TECPR2: variants seen among roughly 807,000 people sequenced by gnomAD.
The protein encoded by TECPR2 is tectonin beta-propeller repeat containing 2.
In TECPR2, 65 loss-of-function variants were observed where a neutral mutation model predicts 138.1. The ratio of observed to expected loss-of-function variants is 0.47; its 90% CI spans 0.39 to 0.58. The LOEUF is 0.58. Ranked by LOEUF, TECPR2 falls within the 20% of genes least tolerant of loss-of-function variation. The probability of loss-of-function intolerance (pLI) is 0.00; values close to 1 mark genes in which losing one functional copy is unlikely to be tolerated. For missense variants in TECPR2, 1,553 were observed against 1,824.5 expected (o/e 0.85, Z 2.71); for synonymous variants, 746 against 749.8 (o/e 0.99, Z 0.08).
At chr14:102,365,526 G>A (rs1012898972) in intron 1 of TECPR2, among the ~76,000 whole-genome samples, 1 of 152,168 alleles carries the variant, frequency 6.6e-6, no homozygotes, top group African/African-American at 2.4e-5. Context: ...CACAATGGAA[G>A]GCTGTTCAGC....
chr14:102,496,880 T>C, intron 17 of TECPR2, 99 bp from the exon 18 acceptor site: 1 of 1,536,468 alleles, frequency 6.5e-7, no homozygotes, highest in Non-Finnish European at 8.8e-7. Flanking sequence ...CACTGGCTGC[T>C]GCATGCTGCC....
chr14:102,368,990 C>T lies in TECPR2; in HGVS notation c.-73+5874C>T, dbSNP rs1006771570. 5.9e-5 allele frequency among the ~76,000 whole-genome samples: 9 copies of T among 152,110 alleles called. No homozygotes were observed. The East Asian group carries it at 1.2e-3, about 20-fold the overall frequency. On this transcript the variant is annotated intron_variant, in intron 1 of 19. Coordinates refer to ENST00000359520, the MANE Select transcript of TECPR2 (RefSeq NM_014844.5). ...AAAATGTGATTATGCTGTTACCTGC[C>T]GGACAATTGTGACAGTTTCTAATAC...
In TECPR2 at chr14:102,465,153, T is replaced by C. The variant is rs750207043; in HGVS notation, c.3653T>C (p.Leu1218Ser). Residue 1218 changes from leucine to serine, a missense_variant, in exon 17 of 20, where the codon TTG becomes TCG. Leu to Ser is a moderately radical substitution (Grantham distance 145). Transcript: ENST00000359520. The part of the protein sequence containing the change: ...LDLSQLGAVK[L>S]TSLACGNQHI... ...TCTTTATCTACAGGAGCTGTAAAAT[T>C]GACAAGCTTGGCATGTGGAAATCAG... is the stretch of plus-strand genomic sequence containing the variant. 6.2e-7 allele frequency: 1 copy of C among 1,614,198 alleles called. No individual in the cohort carries two copies. The highest frequency in any genetic ancestry group is 2.2e-5 in the East Asian group (1 of 44,890).
At position 102,452,375 on chromosome 14, in the gene TECPR2, A is replaced by T. The variant is rs1890166402; in HGVS notation, c.3407-19A>T. Reference sequence around the variant, plus strand: ...GGTGCAGACAACACCTCGATGACAAACATGACCCCTTTCTGCAGGAAGCTT... The same window carrying T: ...GGTGCAGACAACACCTCGATGACAATCATGACCCCTTTCTGCAGGAAGCTT... On this transcript the variant is annotated intron_variant, in intron 15 of 19. Transcript: ENST00000359520. 6.3e-7 allele frequency: 1 copy of T among 1,597,392 alleles called. No homozygotes were observed. Among genetic ancestry groups the T allele is most frequent in the African/African-American group, 1.3e-5 (1 of 74,636 alleles).
intron 15 of TECPR2, among the ~76,000 whole-genome samples, chr14:102,451,448 G>C (rs556449415): frequency 5.3e-5 from 8 of 152,262 alleles, no homozygotes; most frequent in African/African-American, 1.9e-4. Context: ...CACAGTTCTG[G>C]AACCCAGAAA....
At chr14:102,474,351 A>T (rs943049750) in intron 17 of TECPR2, among the ~76,000 whole-genome samples, 23 of 151,256 alleles carry the variant, frequency 1.5e-4, no homozygotes, top group Admixed American at 4.6e-4. Flanking sequence ...GGGGCCGGGC[A>T]CGGTGGCTCA....
Position 102,438,013 on chromosome 14 carries a change from C to T in TECPR2, c.2395-9C>T. 1 of 1,612,678 alleles carries T rather than the reference C, an allele frequency of 6.2e-7. No individual in the cohort carries two copies. The highest frequency in any genetic ancestry group is 8.5e-7 in the Non-Finnish European group (1 of 1,179,262). On this transcript the variant is annotated splice_polypyrimidine_tract_variant and intron_variant, in intron 9 of 19. Transcript: ENST00000359520. ...CTGCCACAGAACTCACTGGCTCTTC[C>T]CTTGTTAGTTTGCAGAAAGCTGGAT... is the stretch of plus-strand genomic sequence containing the variant.
intron 16 of TECPR2, among the ~76,000 whole-genome samples, chr14:102,457,293 C>T (rs1890298135): frequency 6.6e-6 from 1 of 152,000 alleles, no homozygotes. Flanking sequence ...CCATGTTGGC[C>T]AAGCTGGTCT....
chr14:102,451,004 C>T (rs1890125866), intron 15 of TECPR2, among the ~76,000 whole-genome samples: 1 of 152,252 alleles, frequency 6.6e-6, no homozygotes, highest in Non-Finnish European at 1.5e-5. Context: ...CTCGAGAATC[C>T]TTCTGTCACC....
At chr14:102,476,925 C>A (rs1282593302) in intron 17 of TECPR2, among the ~76,000 whole-genome samples, 1 of 152,228 alleles carries the variant, frequency 6.6e-6, no homozygotes, top group Admixed American at 6.5e-5. Context: ...TGCCTGTAGT[C>A]CCAGCTGCTC....
chr14:102,414,352 T>C (rs1208130079), intron 4 of TECPR2, among the ~76,000 whole-genome samples: 1 of 152,240 alleles, frequency 6.6e-6, no homozygotes. Context: ...CAGTAAAGAA[T>C]GTATCTACTG....
At chr14:102,399,745 C>T (rs1247230302) in intron 2 of TECPR2, among the ~76,000 whole-genome samples, 2 of 151,622 alleles carry the variant, frequency 1.3e-5, no homozygotes, top group East Asian at 2.0e-4. Flanking sequence ...GCAGGAGAAT[C>T]GCTTGAACCC....
At chr14:102,454,731 G>A (rs1032967540) in intron 16 of TECPR2, among the ~76,000 whole-genome samples, 4 of 152,192 alleles carry the variant, frequency 2.6e-5, no homozygotes, top group African/African-American at 7.2e-5. Flanking sequence ...AAAAAGTCCA[G>A]GGCTTGGTGT....
chr14:102,485,039 T>C (rs891162229), intron 17 of TECPR2, among the ~76,000 whole-genome samples: 4 of 152,246 alleles, frequency 2.6e-5, no homozygotes, highest in African/African-American at 9.6e-5. Context: ...GTGCTCATTA[T>C]CATCACTGCC....
intron 4 of TECPR2, 98 bp from the exon 5 acceptor site, chr14:102,414,538 C>T (rs574013640): frequency 2.0e-6 from 3 of 1,474,864 alleles, no homozygotes; most frequent in Non-Finnish European, 2.8e-6. Context: ...GCAAGCTGAC[C>T]TAAGCACAGC....
intron 2 of TECPR2, among the ~76,000 whole-genome samples, chr14:102,392,006 TAGAC>T (rs2139675788): frequency 6.6e-6 from 1 of 152,272 alleles, no homozygotes; most frequent in African/African-American, 2.4e-5. Context: ...TGTTTTGTTT[TAGAC>T]AGAGTTTCAC....
At chr14:102,458,101 T>A (rs1890318072) in intron 16 of TECPR2, among the ~76,000 whole-genome samples, 1 of 152,000 alleles carries the variant, frequency 6.6e-6, no homozygotes, top group Non-Finnish European at 1.5e-5. Context: ...CTCTAACTCC[T>A]GACCTCAGGT....
intron 7 of TECPR2, among the ~76,000 whole-genome samples, chr14:102,430,466 C>T (rs898574878): frequency 1.3e-5 from 2 of 152,186 alleles, no homozygotes; most frequent in Non-Finnish European, 2.9e-5. Context: ...CTAACACATG[C>T]CCTCAATAGA....
rs752912949 is a variant in TECPR2, at chr14:102,440,565, C to T, written c.2708C>T (p.Thr903Met). 1.9e-5 allele frequency: 31 copies of T among 1,614,038 alleles called. No homozygotes were observed. The highest frequency in any genetic ancestry group is 1.5e-4 in the South Asian group (14 of 91,090). ...QAVFVALSDD[T>M]AWIIRTSGDL... is the part of the protein sequence containing the mutation. ...GTGTTTGTGGCCCTGAGCGATGACA[C>T]GGCCTGGATCATCAGGACCAGTGGG... The change falls in exon 11 of 20, where the codon ACG (threonine) becomes ATG (methionine). Residue 903 changes from threonine to methionine, a missense_variant. Physicochemically the swap from Thr to Met is moderately conservative, Grantham distance 81. Transcript: ENST00000359520.
Sources: allele counts gnomAD v4.1 joint callset (sites outside exome capture counted in the v4.1 genomes callset), GRCh38; gene constraint gnomAD v4.1.1; transcripts MANE v1.5; gene names NCBI Gene and HGNC (gene_info 2026-07-23, HGNC 2026-07-21).